MSI2: variants seen among roughly 807,000 people sequenced by gnomAD.
The protein encoded by MSI2 is RNA-binding protein Musashi homolog 2.
A neutral mutation model predicts 45.6 loss-of-function variants in MSI2; 17 were observed. That is an observed-to-expected ratio of 0.37 (90% CI 0.26 to 0.56). The LOEUF (loss-of-function observed/expected upper bound fraction) is 0.56. Among genes scored for constraint, MSI2 ranks in the 20% least tolerant of loss-of-function variants. The pLI, the probability that MSI2 is intolerant of heterozygous loss-of-function variation, is 0.77. For synonymous variants in MSI2, 156 were observed against 158.2 expected, an observed-to-expected ratio of 0.99 and a Z score of 0.11; for missense variants, 293 against 444.2, an observed-to-expected ratio of 0.66 and a Z score of 3.06.
At chr17:57,490,194 A>T (rs1424568171) in intron 6 of MSI2, among the ~76,000 whole-genome samples, 1 of 152,196 alleles carries the variant, frequency 6.6e-6, no homozygotes, top group Non-Finnish European at 1.5e-5. Flanking sequence ...GAAATCGTGG[A>T]TGTATGATGC....
chr17:57,591,407 A>G (rs954580016), intron 7 of MSI2, among the ~76,000 whole-genome samples: 7 of 152,208 alleles, frequency 4.6e-5, no homozygotes, highest in Admixed American at 3.3e-4. Flanking sequence ...TGCCACTTAT[A>G]TGAGAAAATT....
intron 6 of MSI2, among the ~76,000 whole-genome samples, chr17:57,453,957 C>G (rs2085064901): frequency 6.6e-6 from 1 of 152,226 alleles, no homozygotes; most frequent in African/African-American, 2.4e-5. Flanking sequence ...TCAAAAACCA[C>G]TGGTTGGATG....
At chr17:57,631,237 G>C (rs1909343853) in intron 10 of MSI2, 1 of 152,572 alleles carries the variant, frequency 6.6e-6, no homozygotes, top group Non-Finnish European at 1.5e-5. Context: ...CCAGGTCCTA[G>C]AGAGCTCCGA....
intron 5 of MSI2, among the ~76,000 whole-genome samples, chr17:57,291,232 G>C (rs1292067203): frequency 6.6e-6 from 1 of 152,190 alleles, no homozygotes; most frequent in African/African-American, 2.4e-5. Flanking sequence ...TAGGAAAATA[G>C]CAAGGAGCAG....
intron 5 of MSI2, among the ~76,000 whole-genome samples, chr17:57,282,701 C>A (rs370130095): frequency 6.6e-6 from 1 of 151,442 alleles, no homozygotes; most frequent in African/African-American, 2.4e-5. Context: ...TCTCTGTCAC[C>A]GTAGGTAGAT....
intron 5 of MSI2, among the ~76,000 whole-genome samples, chr17:57,369,601 T>C (rs1157166563): frequency 1.3e-5 from 2 of 152,228 alleles, no homozygotes; most frequent in African/African-American, 4.8e-5. Flanking sequence ...GATACTGACA[T>C]GTTCAGATTA....
intron 6 of MSI2, among the ~76,000 whole-genome samples, chr17:57,485,805 G>T (rs961187676): frequency 2.6e-5 from 4 of 152,234 alleles, no homozygotes; most frequent in African/African-American, 9.7e-5. Context: ...GGAAGCAGGA[G>T]TTCAGGCTGA....
At chr17:57,339,525 C>G (rs1242172261) in intron 5 of MSI2, among the ~76,000 whole-genome samples, 1 of 152,140 alleles carries the variant, frequency 6.6e-6, no homozygotes, top group East Asian at 1.9e-4. Flanking sequence ...ACGGACTTGC[C>G]CTGCTGTCGT....
chr17:57,571,953 C>T (rs1261857600), intron 7 of MSI2, among the ~76,000 whole-genome samples: 1 of 152,176 alleles, frequency 6.6e-6, no homozygotes, highest in Non-Finnish European at 1.5e-5. Flanking sequence ...CCTACACCCA[C>T]CCTAGTTCTC....
intron 6 of MSI2, among the ~76,000 whole-genome samples, chr17:57,459,881 C>G (rs1176922198): frequency 6.6e-6 from 1 of 151,968 alleles, no homozygotes; most frequent in Non-Finnish European, 1.5e-5. Context: ...GTAATCTCAG[C>G]ACTTTGGAAG....
intron 6 of MSI2, among the ~76,000 whole-genome samples, chr17:57,460,071 GT>G (rs1162112486): frequency 3.9e-5 from 6 of 152,020 alleles, no homozygotes; most frequent in African/African-American, 1.5e-4. Flanking sequence ...GGAGGTTGCA[GT>G]GAGCCAAGAT....
At chr17:57,649,779 G>A (rs529334948) in intron 10 of MSI2, among the ~76,000 whole-genome samples, 1 of 152,232 alleles carries the variant, frequency 6.6e-6, no homozygotes, top group East Asian at 1.9e-4. Context: ...GCAGAAGGGG[G>A]CCAGGAGGAC....
intron 5 of MSI2, among the ~76,000 whole-genome samples, chr17:57,317,236 G>A (rs1912922447): frequency 6.6e-6 from 1 of 152,152 alleles, no homozygotes; most frequent in South Asian, 2.1e-4. Flanking sequence ...GCATGGGGGT[G>A]GCAGCATGCT....
At chr17:57,460,254 G>C (rs2085200902) in intron 6 of MSI2, among the ~76,000 whole-genome samples, 1 of 152,152 alleles carries the variant, frequency 6.6e-6, no homozygotes, top group African/African-American at 2.4e-5. Context: ...AGCTTGGGAG[G>C]ATGAGGCTGC....
In MSI2 at chr17:57,280,638, G is replaced by T. The variant is rs1191564369; in HGVS notation, c.312+18446G>T. Among the ~76,000 whole-genome samples, 1 of 152,174 alleles carries T rather than the reference G, an allele frequency of 6.6e-6. No individual in the cohort carries two copies. Among genetic ancestry groups the T allele is most frequent in the Non-Finnish European group, 1.5e-5 (1 of 68,044 alleles). On this transcript the variant is annotated intron_variant, in intron 5 of 13. Transcript: ENST00000284073. The surrounding 1 kb of genome is among the most constrained non-coding windows in gnomAD (Gnocchi z 4.2). ...AGGGCAGGTGTGCCTGGCTCAGGGG[G>T]TTGAGTGTAACCCCTTGGCTGGCAA...
At chr17:57,599,042 A>G (rs1204179469) in intron 8 of MSI2, among the ~76,000 whole-genome samples, 1 of 152,244 alleles carries the variant, frequency 6.6e-6, no homozygotes, top group Non-Finnish European at 1.5e-5. Context: ...TGTTTATCCT[A>G]GCCAGAGCAC....
intron 7 of MSI2, among the ~76,000 whole-genome samples, chr17:57,542,680 A>G (rs1207505562): frequency 6.6e-6 from 1 of 152,228 alleles, no homozygotes; most frequent in Non-Finnish European, 1.5e-5. Flanking sequence ...CCCCTGGGTC[A>G]CATGACCTTC....
chr17:57,619,803 T>G (rs1908115985), intron 9 of MSI2, among the ~76,000 whole-genome samples: 1 of 152,208 alleles, frequency 6.6e-6, no homozygotes, highest in Non-Finnish European at 1.5e-5. Flanking sequence ...AGGAGCTTAC[T>G]CATCTGCCCA....
At chr17:57,551,948 C>T (rs2087316475) in intron 7 of MSI2, among the ~76,000 whole-genome samples, 1 of 152,210 alleles carries the variant, frequency 6.6e-6, no homozygotes, top group Non-Finnish European at 1.5e-5. Context: ...GGAGCACTCA[C>T]TCCAAGCCAA....
Sources: allele counts gnomAD v4.1 joint callset (sites outside exome capture counted in the v4.1 genomes callset), GRCh38; gene constraint gnomAD v4.1.1; non-coding constraint Gnocchi (gnomAD v3.1); transcripts MANE v1.5; gene names NCBI Gene and HGNC (gene_info 2026-07-23, HGNC 2026-07-21).